MED12L: variants seen among roughly 807,000 people sequenced by gnomAD.
The protein encoded by MED12L is mediator complex subunit 12L.
A neutral mutation model predicts 281.3 loss-of-function variants in MED12L; 60 were observed. The observed-to-expected ratio is 0.21, with a 90% confidence interval of 0.17 to 0.26. The LOEUF is 0.26. MED12L is among the 10% of genes least tolerant of loss of function. The probability of loss-of-function intolerance (pLI) is 1.00; values close to 1 mark genes in which losing one functional copy is unlikely to be tolerated. For missense variants in MED12L, 2,146 were observed against 2,680.9 expected (o/e 0.80, Z 4.41); for synonymous variants, 974 against 987.2 (o/e 0.99, Z 0.25).
At chr3:151,153,856 A>G (rs1718910070) in intron 5 of MED12L, among the ~76,000 whole-genome samples, 1 of 151,934 alleles carries the variant, frequency 6.6e-6, no homozygotes, top group South Asian at 2.1e-4. Flanking sequence ...GGTGTGAGCT[A>G]CCTCACCCGG....
intron 8 of MED12L, among the ~76,000 whole-genome samples, chr3:151,163,442 C>T (rs1424750580): frequency 6.6e-6 from 1 of 152,132 alleles, no homozygotes; most frequent in Non-Finnish European, 1.5e-5. Context: ...GGGTTACTGC[C>T]TGCCCACCAT....
chr3:151,164,060 G>T lies in MED12L; in HGVS notation c.1257+18G>T. The T allele has an allele frequency of 6.2e-7, 1 of 1,610,760 alleles. No individual in the cohort carries two copies. The highest frequency in any genetic ancestry group is 8.5e-7 in the Non-Finnish European group (1 of 1,177,940). On this transcript the variant is annotated intron_variant, in intron 9 of 44. Transcript: ENST00000687756. ...ATCAGCAGGTAGACTTTATGTTTCA[G>T]TGATTTGATGGCTGTTTTCATTCTT...
chr3:151,312,101 G>A (rs1251323765), intron 16 of MED12L, among the ~76,000 whole-genome samples: 1 of 152,144 alleles, frequency 6.6e-6, no homozygotes, highest in Non-Finnish European at 1.5e-5. Flanking sequence ...CTTGGAGCCG[G>A]TTTATCTAAA....
chr3:151,384,974 C>T, intron 35 of MED12L, 56 bp from the exon 36 acceptor site: 2 of 962,154 alleles, frequency 2.1e-6, no homozygotes, highest in East Asian at 4.9e-5. Flanking sequence ...TAACTTTTGC[C>T]TTCATTGTAA....
At chr3:151,352,778 A>C (rs1416603178) in intron 17 of MED12L, among the ~76,000 whole-genome samples, 2 of 152,172 alleles carry the variant, frequency 1.3e-5, no homozygotes, top group Non-Finnish European at 2.9e-5. Context: ...TTTGGTTGTC[A>C]ATGGTGTATC....
At chr3:151,175,598 C>T (rs1010797425) in intron 11 of MED12L, among the ~76,000 whole-genome samples, 2 of 152,166 alleles carry the variant, frequency 1.3e-5, no homozygotes, top group Non-Finnish European at 2.9e-5. Context: ...AAGCCTGCCT[C>T]TCAGATGTAG....
chr3:151,153,638 G>A (rs138112657), intron 5 of MED12L, among the ~76,000 whole-genome samples: 281 of 132,618 alleles, frequency 2.1e-3, no homozygotes, highest in African/African-American at 7.8e-3. Context: ...GTGTGATCTC[G>A]GCTCACTGCA....
At chr3:151,100,244 A>G (rs1318399361) in intron 2 of MED12L, among the ~76,000 whole-genome samples, 3 of 152,248 alleles carry the variant, frequency 2.0e-5, no homozygotes, top group Non-Finnish European at 4.4e-5. Context: ...GAATGTGCCA[A>G]GATTTCCCTC....
intron 11 of MED12L, among the ~76,000 whole-genome samples, chr3:151,173,290 G>A (rs773732803): frequency 6.6e-6 from 1 of 152,134 alleles, no homozygotes; most frequent in East Asian, 1.9e-4. Flanking sequence ...CTCATTGGTG[G>A]AAGAAAGGAA....
chr3:151,389,975 G>T lies in MED12L; in HGVS notation c.5452-4G>T, dbSNP rs748618993. ...GTAACTTTTTAAAAAACTTTATGTT[G>T]AAGGAATATCCACAGAGCAACATAT... On this transcript the variant is annotated splice_region_variant and splice_polypyrimidine_tract_variant and intron_variant, in intron 37 of 44. Transcript: ENST00000687756. The T allele has an allele frequency of 1.9e-6, 3 of 1,613,398 alleles. No individual in the cohort carries two copies. The highest frequency in any genetic ancestry group is 1.3e-5 in the African/African-American group (1 of 74,874).
At chr3:151,361,110 C>T (rs1049975863) in intron 21 of MED12L, among the ~76,000 whole-genome samples, 4 of 152,040 alleles carry the variant, frequency 2.6e-5, no homozygotes, top group East Asian at 1.9e-4. Context: ...TTTTGCATTA[C>T]TTGGATTAGC....
At chr3:151,273,906 A>C (rs1203499046) in intron 16 of MED12L, among the ~76,000 whole-genome samples, 1 of 152,206 alleles carries the variant, frequency 6.6e-6, no homozygotes, top group Non-Finnish European at 1.5e-5. Context: ...ACATTTATTG[A>C]AAACTTCACT....
Position 151,127,917 on chromosome 3 carries a change from T to G in MED12L, c.489T>G (p.Thr163=). The G allele has an allele frequency of 1.9e-6, 3 of 1,614,158 alleles. No homozygotes were observed. The highest frequency in any genetic ancestry group is 2.5e-6 in the Non-Finnish European group (3 of 1,179,968). The change falls in exon 5 of 45, where the codon ACT becomes ACG. Residue 163 remains threonine (T), a synonymous_variant. Transcript: ENST00000687756. ...MVRATWLIKM[T]CAYYSAISEA... ...GAGCAACGTGGCTGATCAAGATGAC[T>G]TGTGCCTATTATTCTGCTATATCTG...
chr3:151,116,200 G>T, intron 2 of MED12L, 138 bp from the exon 3 acceptor site: 1 of 583,352 alleles, frequency 1.7e-6, no homozygotes, highest in Non-Finnish European at 3.0e-6. Context: ...TTCAATTTCT[G>T]CCTTCTCTGA....
intron 4 of MED12L, among the ~76,000 whole-genome samples, chr3:151,125,859 T>A (rs1714432995): frequency 1.3e-5 from 2 of 152,166 alleles, no homozygotes; most frequent in Non-Finnish European, 2.9e-5. Context: ...TTAGTATCTG[T>A]CTGCAGAGAG....
intron 39 of MED12L, among the ~76,000 whole-genome samples, chr3:151,398,899 T>TA (rs1250348032): frequency 6.6e-5 from 10 of 152,214 alleles, no homozygotes; most frequent in Non-Finnish European, 1.2e-4. Context: ...TTACTAATAG[T>TA]AAAATAGAAC....
intron 16 of MED12L, chr3:151,270,046 A>G (rs781315229): frequency 4.3e-6 from 1 of 231,754 alleles, no homozygotes; most frequent in Non-Finnish European, 8.4e-6. Context: ...GAAGATATTG[A>G]TAAAGAAAGG....
intron 16 of MED12L, among the ~76,000 whole-genome samples, chr3:151,197,387 C>A (rs970166259): frequency 6.6e-6 from 1 of 152,096 alleles, no homozygotes; most frequent in African/African-American, 2.4e-5. Context: ...TAATCTCTAA[C>A]CCTTGACCTG....
At chr3:151,235,305 C>G (rs1001207401) in intron 16 of MED12L, among the ~76,000 whole-genome samples, 11 of 152,168 alleles carry the variant, frequency 7.2e-5, no homozygotes, top group Non-Finnish European at 2.9e-5. Flanking sequence ...GCCCTGCAAG[C>G]ATGACCAGCT....
Sources: gnomAD v4.1 joint callset for allele counts (sites outside exome capture counted in the v4.1 genomes callset) on GRCh38, gnomAD v4.1.1 for gene constraint, MANE v1.5 for transcripts, NCBI Gene and HGNC (gene_info 2026-07-23, HGNC 2026-07-21) for gene names.